CADM2: variants seen among roughly 807,000 people sequenced by gnomAD.
The protein encoded by CADM2 is immunoglobulin superfamily member 4D.
A neutral mutation model predicts 49.8 loss-of-function variants in CADM2; 12 were observed. The ratio of observed to expected loss-of-function variants is 0.24; its 90% CI spans 0.15 to 0.39. The LOEUF is 0.39. Ranked by LOEUF, CADM2 falls within the 10% of genes least tolerant of loss-of-function variation. The pLI, the probability that CADM2 is intolerant of heterozygous loss-of-function variation, is 1.00. For synonymous variants in CADM2, 214 were observed against 175.4 expected (o/e 1.22, Z -1.74); for missense variants, 378 against 492.3 (o/e 0.77, Z 2.20).
chr3:85,094,339 A>G (rs2037712547), intron 1 of CADM2, among the ~76,000 whole-genome samples: 1 of 152,120 alleles, frequency 6.6e-6, no homozygotes, highest in South Asian at 2.1e-4. Flanking sequence ...AGCTACTAAT[A>G]TTGTCCTTTC....
intron 3 of CADM2, among the ~76,000 whole-genome samples, chr3:85,844,438 G>A (rs1269404037): frequency 6.6e-6 from 1 of 151,990 alleles, no homozygotes; most frequent in Non-Finnish European, 1.5e-5. Flanking sequence ...TGCTGCTGTA[G>A]CTTTAAGGGG....
At chr3:85,378,619 A>C (rs1322734006) in intron 1 of CADM2, among the ~76,000 whole-genome samples, 1 of 152,042 alleles carries the variant, frequency 6.6e-6, no homozygotes, top group Non-Finnish European at 1.5e-5. Flanking sequence ...CCCTTGAATG[A>C]ATATTCACAT....
chr3:85,530,409 C>G (rs549565126), intron 1 of CADM2, among the ~76,000 whole-genome samples: 28 of 115,040 alleles, frequency 2.4e-4, no homozygotes, highest in African/African-American at 7.4e-4. Context: ...CGGCTCACTG[C>G]GAGCTCCGCC....
intron 6 of CADM2, among the ~76,000 whole-genome samples, chr3:85,921,967 A>G (rs1295829840): frequency 6.6e-6 from 1 of 152,084 alleles, no homozygotes; most frequent in Non-Finnish European, 1.5e-5. Flanking sequence ...TTCACTTAGC[A>G]ATATGAATCT....
intron 1 of CADM2, among the ~76,000 whole-genome samples, chr3:85,709,682 C>A (rs2067057208): frequency 6.6e-6 from 1 of 152,090 alleles, no homozygotes; most frequent in Non-Finnish European, 1.5e-5. Flanking sequence ...AAAACATTCA[C>A]ATGCAAATAT....
At chr3:85,598,096 T>C (rs945697374) in intron 1 of CADM2, among the ~76,000 whole-genome samples, 1 of 152,012 alleles carries the variant, frequency 6.6e-6, no homozygotes, top group Non-Finnish European at 1.5e-5. Flanking sequence ...TTCAGGAGAC[T>C]TCAGACCGAC....
At position 85,421,427 on chromosome 3, in the gene CADM2, G is replaced by A. The variant is rs545668171; in HGVS notation, c.62-305095G>A. Among the ~76,000 whole-genome samples, 50 of 152,202 alleles carry A rather than the reference G, an allele frequency of 3.3e-4. No homozygotes were observed. The South Asian group carries it at 8.3e-3, about 25-fold the overall frequency. ...CATCTCTTCAAATTAATTATTTAACGTGTAGAAATTAATTCATGCAGAAGA... is the reference window on the plus strand; with the variant it reads ...CATCTCTTCAAATTAATTATTTAACATGTAGAAATTAATTCATGCAGAAGA... On this transcript the variant is annotated intron_variant, in intron 1 of 9. Coordinates refer to ENST00000383699, the MANE Select transcript of CADM2 (RefSeq NM_001167675.2).
chr3:85,397,603 T>C (rs2034857391), intron 1 of CADM2, among the ~76,000 whole-genome samples: 1 of 152,214 alleles, frequency 6.6e-6, no homozygotes, highest in Non-Finnish European at 1.5e-5. Flanking sequence ...CTTGAAACTA[T>C]TATGCTAAGT....
At chr3:85,406,303 T>C (rs1303595738) in intron 1 of CADM2, among the ~76,000 whole-genome samples, 2 of 152,078 alleles carry the variant, frequency 1.3e-5, no homozygotes, top group East Asian at 1.9e-4. Context: ...TTACTAAAAA[T>C]CTGAAACTTT....
At chr3:86,045,070 G>A (rs747283436) in intron 8 of CADM2, among the ~76,000 whole-genome samples, 4 of 150,628 alleles carry the variant, frequency 2.7e-5, no homozygotes, top group Non-Finnish European at 3.0e-5. Context: ...GGTGGTGGGA[G>A]GGGGGAGGGA....
intron 1 of CADM2, among the ~76,000 whole-genome samples, chr3:85,426,361 G>A (rs1337703798): frequency 6.6e-6 from 1 of 151,884 alleles, no homozygotes; most frequent in Non-Finnish European, 1.5e-5. Flanking sequence ...CCAGCTGCTG[G>A]GCTCAAGAGA....
At chr3:85,708,512 A>T (rs2067017186) in intron 1 of CADM2, among the ~76,000 whole-genome samples, 1 of 152,134 alleles carries the variant, frequency 6.6e-6, no homozygotes, top group Non-Finnish European at 1.5e-5. Flanking sequence ...TTTTGTAAAT[A>T]TACACACTCA....
intron 1 of CADM2, among the ~76,000 whole-genome samples, chr3:85,004,415 G>A (rs1299130596): frequency 6.6e-6 from 1 of 152,066 alleles, no homozygotes; most frequent in African/African-American, 2.4e-5. Context: ...AGATGTAAAT[G>A]CAAAATAAGA....
At chr3:84,996,825 T>C (rs2033204688) in intron 1 of CADM2, among the ~76,000 whole-genome samples, 1 of 152,122 alleles carries the variant, frequency 6.6e-6, no homozygotes, top group African/African-American at 2.4e-5. Flanking sequence ...CTCAGTAATT[T>C]TGAATAATTC....
At chr3:85,320,941 A>T (rs986532784) in intron 1 of CADM2, among the ~76,000 whole-genome samples, 3 of 145,220 alleles carry the variant, frequency 2.1e-5, no homozygotes, top group Non-Finnish European at 4.6e-5. Flanking sequence ...ATTTTTTTTT[A>T]AATTCTACCA....
chr3:85,225,516 G>A (rs1208907116), intron 1 of CADM2, among the ~76,000 whole-genome samples: 1 of 152,162 alleles, frequency 6.6e-6, no homozygotes, highest in Admixed American at 6.5e-5. Context: ...GGATGATGGG[G>A]TTTTGTAAAT....
chr3:85,152,012 G>A (rs960913902), intron 1 of CADM2, among the ~76,000 whole-genome samples: 1 of 152,060 alleles, frequency 6.6e-6, no homozygotes, highest in South Asian at 2.1e-4. Context: ...ATTGATGATA[G>A]TTTCAGTATT....
chr3:85,629,427 A>G (rs1367762098), intron 1 of CADM2, among the ~76,000 whole-genome samples: 1 of 151,890 alleles, frequency 6.6e-6, no homozygotes, highest in African/African-American at 2.4e-5. Flanking sequence ...ATATCTAATC[A>G]ATAATACTGA....
intron 1 of CADM2, among the ~76,000 whole-genome samples, chr3:85,031,726 T>C (rs1182432899): frequency 1.3e-5 from 2 of 151,806 alleles, no homozygotes; most frequent in Non-Finnish European, 1.5e-5. Flanking sequence ...TTCACAGTGT[T>C]AGCCAGGATG....
Sources: allele counts gnomAD v4.1 joint callset (sites outside exome capture counted in the v4.1 genomes callset), GRCh38; gene constraint gnomAD v4.1.1; transcripts MANE v1.5; gene names NCBI Gene and HGNC (gene_info 2026-07-23, HGNC 2026-07-21).